ROBO1: variants seen among roughly 807,000 people sequenced by gnomAD.
ROBO1 encodes roundabout homolog 1.
A neutral mutation model predicts 195.9 loss-of-function variants in ROBO1; 149 were observed. The observed-to-expected ratio is 0.76, with a 90% CI of 0.67 to 0.87. ROBO1 has a LOEUF of 0.87. ROBO1 is among the 40% of genes least tolerant of loss of function. The pLI, the probability that ROBO1 is intolerant of heterozygous loss-of-function variation, is 0.00. For synonymous variants in ROBO1, 816 were observed against 733.2 expected (o/e 1.11, Z -1.82); for missense variants, 1,933 against 2,068.3 (o/e 0.93, Z 1.27).
At chr3:79,574,969 C>G (rs538712832) in intron 2 of ROBO1, among the ~76,000 whole-genome samples, 253 of 150,862 alleles carry the variant, frequency 1.7e-3, no homozygotes, top group South Asian at 4.0e-3. Flanking sequence ...ACCAAACTTT[C>G]TCTTGGCCAA....
intron 4 of ROBO1, among the ~76,000 whole-genome samples, chr3:78,790,727 T>G (rs2083992805): frequency 6.6e-6 from 1 of 152,194 alleles, no homozygotes; most frequent in African/African-American, 2.4e-5. Context: ...GCTCCAAGAC[T>G]TGTCCATTCT....
rs570098693 is a variant in ROBO1 at position 79,272,462 on chromosome 3, A to G, written c.89-146923T>C. On this transcript the variant is annotated intron_variant, in intron 2 of 30. Transcript: ENST00000464233. ...TTTCCTTAGAACCAAAAGTCAGGTA[A>G]GCAATCACAGCAACTGGTTTTAACA... Among the ~76,000 whole-genome samples the G allele has an allele frequency of 6.6e-5, 10 of 152,226 alleles. No homozygotes were observed. In the South Asian group the frequency reaches 2.1e-3, roughly 32 times the overall value.
intron 4 of ROBO1, among the ~76,000 whole-genome samples, chr3:78,872,130 G>T (rs2035587503): frequency 6.6e-6 from 1 of 152,140 alleles, no homozygotes; most frequent in African/African-American, 2.4e-5. Flanking sequence ...ACTGTTTTCT[G>T]AGACTTGTGA....
intron 2 of ROBO1, among the ~76,000 whole-genome samples, chr3:79,438,185 T>A (rs1480832443): frequency 6.6e-6 from 1 of 151,988 alleles, no homozygotes; most frequent in Non-Finnish European, 1.5e-5. Flanking sequence ...TTCTCTCATA[T>A]GAATTTATAA....
intron 3 of ROBO1, among the ~76,000 whole-genome samples, chr3:79,112,509 A>G (rs1456384799): frequency 6.6e-6 from 1 of 151,962 alleles, no homozygotes; most frequent in Non-Finnish European, 1.5e-5. Context: ...TAGTTGATGA[A>G]CTCCCAAGTT....
chr3:79,558,520 A>T lies in ROBO1; in HGVS notation c.88+31304T>A, dbSNP rs1032931919. ...GCTATTAATAATTAAGTCTTTGGGA[A>T]GTCAACAGTAATACACAGATTTTTT... On this transcript the variant is annotated intron_variant, in intron 2 of 30. Coordinates refer to ENST00000464233, the MANE Select transcript of ROBO1 (RefSeq NM_002941.4). Among the ~76,000 whole-genome samples, 81 of 152,188 alleles carry T rather than the reference A, an allele frequency of 5.3e-4. 2 individuals are homozygous for T. Among genetic ancestry groups the T allele is most frequent in the Non-Finnish European group, 1.9e-4 (13 of 68,032 alleles).
chr3:79,660,052 G>A (rs1297416522), intron 1 of ROBO1, among the ~76,000 whole-genome samples: 1 of 151,952 alleles, frequency 6.6e-6, no homozygotes. Context: ...TTAATCTGAT[G>A]TGGGTTTGCC....
At chr3:79,708,936 G>A (rs1408715786) in intron 1 of ROBO1, among the ~76,000 whole-genome samples, 5 of 151,906 alleles carry the variant, frequency 3.3e-5, no homozygotes, top group South Asian at 2.1e-4. Context: ...GGGGTTTTTT[G>A]TATTTTTTTT....
intron 3 of ROBO1, among the ~76,000 whole-genome samples, chr3:79,123,519 G>C (rs572695210): frequency 6.6e-6 from 1 of 152,014 alleles, no homozygotes; most frequent in East Asian, 1.9e-4. Flanking sequence ...ATATAAGTAT[G>C]GTTAACATGC....
At chr3:78,707,011 A>C (rs562845291) in intron 8 of ROBO1, among the ~76,000 whole-genome samples, 11 of 152,186 alleles carry the variant, frequency 7.2e-5, no homozygotes, top group Non-Finnish European at 1.5e-4. Flanking sequence ...TATATTATGC[A>C]AACTAATGCT....
intron 8 of ROBO1, among the ~76,000 whole-genome samples, chr3:78,700,537 A>C (rs1325231226): frequency 6.6e-6 from 1 of 152,204 alleles, no homozygotes. Flanking sequence ...TCCTGCATAA[A>C]TTACATAAAC....
intron 4 of ROBO1, 148 bp downstream of exon 4, chr3:78,938,453 G>GA: frequency 1.6e-6 from 1 of 628,320 alleles, no homozygotes; most frequent in Non-Finnish European, 2.6e-6. Flanking sequence ...ACAGAAAACC[G>GA]AAATAGTAGA....
chr3:79,412,777 G>T (rs1210670098), intron 2 of ROBO1, among the ~76,000 whole-genome samples: 3 of 149,224 alleles, frequency 2.0e-5, no homozygotes, highest in Non-Finnish European at 4.4e-5. Flanking sequence ...AGGATCATCT[G>T]CAATGCATCA....
At chr3:79,738,016 GA>G (rs1185586787) in intron 1 of ROBO1, among the ~76,000 whole-genome samples, 1 of 152,086 alleles carries the variant, frequency 6.6e-6, no homozygotes, top group Non-Finnish European at 1.5e-5. Context: ...TCCCTTTGAG[GA>G]GTGACAATGT....
At chr3:78,904,704 GTA>G (rs951070284) in intron 4 of ROBO1, among the ~76,000 whole-genome samples, 19 of 138,072 alleles carry the variant, frequency 1.4e-4, no homozygotes, top group South Asian at 2.1e-4. Flanking sequence ...ATGTATATAT[GTA>G]TATATATATG....
At chr3:79,421,018 A>C (rs1426386708) in intron 2 of ROBO1, among the ~76,000 whole-genome samples, 1 of 152,166 alleles carries the variant, frequency 6.6e-6, no homozygotes, top group African/African-American at 2.4e-5. Context: ...ATGTACATAT[A>C]CACCATGGAA....
chr3:79,240,153 T>C (rs2082485818), intron 2 of ROBO1, among the ~76,000 whole-genome samples: 2 of 152,222 alleles, frequency 1.3e-5, no homozygotes, highest in Non-Finnish European at 2.9e-5. Context: ...GAATATATAA[T>C]ACATTGTTAT....
chr3:79,123,669 A>G (rs1398632460), intron 3 of ROBO1, among the ~76,000 whole-genome samples: 1 of 152,010 alleles, frequency 6.6e-6, no homozygotes, highest in Non-Finnish European at 1.5e-5. Flanking sequence ...AGTCTCAGGA[A>G]CAAGATTATT....
intron 2 of ROBO1, among the ~76,000 whole-genome samples, chr3:79,340,158 T>C (rs1459960331): frequency 6.6e-6 from 1 of 152,182 alleles, no homozygotes; most frequent in Non-Finnish European, 1.5e-5. Flanking sequence ...CTGCTGGCCT[T>C]TCCCCATCAC....
Sources: gnomAD v4.1 joint callset for allele counts (sites outside exome capture counted in the v4.1 genomes callset) on GRCh38, gnomAD v4.1.1 for gene constraint, MANE v1.5 for transcripts, NCBI Gene and HGNC (gene_info 2026-07-23, HGNC 2026-07-21) for gene names.